The following PDE6A variants were observed in gnomAD, a reference collection of about 807,000 sequenced individuals.
The protein encoded by PDE6A is rod cGMP-specific 3',5'-cyclic phosphodiesterase subunit alpha.
In PDE6A, 84 loss-of-function variants were observed where a neutral mutation model predicts 106.3. The ratio of observed to expected loss-of-function variants is 0.79; its 90% CI spans 0.66 to 0.95. The LOEUF (loss-of-function observed/expected upper bound fraction) is 0.95. PDE6A is among the 40% of genes least tolerant of loss of function. The probability of loss-of-function intolerance (pLI) is 0.00; values close to 1 mark genes in which losing one functional copy is unlikely to be tolerated. For synonymous variants in PDE6A, 394 were observed against 386.6 expected (o/e 1.02, Z -0.23); for missense variants, 1,052 against 1,084.9 (o/e 0.97, Z 0.43).
Position 149,884,581 on chromosome 5 carries a change from T to C in PDE6A, c.1927-2A>G. On this transcript the variant is annotated splice_acceptor_variant, in intron 15 of 21. Coordinates refer to ENST00000255266, the MANE Select transcript of PDE6A (RefSeq NM_000440.3). LOFTEE classifies it high-confidence loss of function. ...GAGGTTTTGAAAGATATTCAGGCTC[T>C]AAAGAAAAAAAGAGAAGCGAGATGG... 1 of 1,611,812 alleles carries C rather than the reference T, an allele frequency of 6.2e-7. No individual in the cohort carries two copies. Among genetic ancestry groups the C allele is most frequent in the Non-Finnish European group, 8.5e-7 (1 of 1,178,094 alleles).
intron 19 of PDE6A, chr5:149,867,313 C>T (rs947631373): frequency 4.4e-5 from 13 of 296,734 alleles, no homozygotes; most frequent in Non-Finnish European, 7.8e-5. Context: ...AACTTGCTCA[C>T]TCTGTGCTGT....
rs55680278 is a variant in PDE6A at position 149,900,375 on chromosome 5, G to GTATATATATATATATATATATATA, written c.1114-852_1114-851insTATATATATATATATATATATATA. ...AGACTCCATCTCGAAAAATATATAT[G>GTATATATATATATATATATATATA]TATATATATATATATATATATATCC... is the stretch of plus-strand genomic sequence containing the variant. On this transcript the variant is annotated intron_variant, in intron 8 of 21. Transcript: ENST00000255266. 6.2e-3 allele frequency among the ~76,000 whole-genome samples: 514 copies of GTATATATATATATATATATATATA among 82,520 alleles called. 37 individuals are homozygous for GTATATATATATATATATATATATA. The highest frequency in any genetic ancestry group is 0.011 in the South Asian group (17 of 1,488). The allele number at this position is 82,520 out of a possible 152,430, so 54.1% of individuals were successfully genotyped here.
chr5:149,887,760 C>A (rs767496619), intron 13 of PDE6A, among the ~76,000 whole-genome samples: 1 of 152,130 alleles, frequency 6.6e-6, no homozygotes, highest in Non-Finnish European at 1.5e-5. Context: ...GGCATCCCAC[C>A]GAGACAAAAG....
chr5:149,918,581 C>G (rs1213857079), intron 5 of PDE6A, among the ~76,000 whole-genome samples: 1 of 151,946 alleles, frequency 6.6e-6, no homozygotes, highest in Non-Finnish European at 1.5e-5. Flanking sequence ...AACCAATTTT[C>G]TTTTTTTATA....
chr5:149,934,643 T>C lies in PDE6A; in HGVS notation c.550A>G (p.Asn184Asp). 6.2e-7 allele frequency: 1 copy of C among 1,613,468 alleles called. No homozygotes were observed. The highest frequency in any genetic ancestry group is 1.7e-5 in the Admixed American group (1 of 60,028). ...ATTATGGCCACCACATCCTTCCCAT[T>C]CATTATGGGGGAAGCCAAGATGTTC... ...TKNILASPIM[N>D]GKDVVAIIMA... is the part of the protein sequence containing the mutation. The change falls in exon 2 of 22, where the codon AAT (asparagine) becomes GAT (aspartate). Residue 184 changes from asparagine to aspartate, a missense_variant. Physicochemically the swap from Asn to Asp is conservative, Grantham distance 23 (BLOSUM62 1). This residue lies in a region of PDE6A where 913 missense variants were observed against 915.2 expected (regional missense o/e 1.00). Transcript: ENST00000255266.
Position 149,896,398 on chromosome 5 carries a change from A to T in PDE6A, c.1578T>A (p.Tyr526Ter), listed in dbSNP as rs747005399. The change falls in exon 12 of 22, where the codon TAT (tyrosine) becomes TAA (stop). Residue 526 changes from tyrosine to a stop codon, truncating the protein, a stop_gained. Coordinates refer to ENST00000255266, the MANE Select transcript of PDE6A (RefSeq NM_000440.3). LOFTEE classifies it high-confidence loss of function. Reference protein sequence around the residue: ...LELVKCGIQMYYELKVVDKFH... With the variant: ...LELVKCGIQM Reference sequence around the variant, plus strand: ...ATTTATCCACCACTTTGAGCTCATAATACATCTGTATTCCACATTTTACCA... The same window carrying T: ...ATTTATCCACCACTTTGAGCTCATATTACATCTGTATTCCACATTTTACCA... The T allele has an allele frequency of 6.2e-7, 1 of 1,614,144 alleles. No individual in the cohort carries two copies. Among genetic ancestry groups the T allele is most frequent in the East Asian group, 2.2e-5 (1 of 44,890 alleles).
chr5:149,926,993 A>C (rs1307956326), intron 4 of PDE6A, among the ~76,000 whole-genome samples: 1 of 151,846 alleles, frequency 6.6e-6, no homozygotes, highest in Non-Finnish European at 1.5e-5. Context: ...AAAAAAAAAA[A>C]AAAAAGAGAG....
chr5:149,860,986 G>A lies in PDE6A; in HGVS notation c.2507-15C>T, dbSNP rs779075342. ...TCCTGCGGCTGCTGCAATGAAACAG[G>A]AAAAAGAACACACCAGGTGACAAGA... is the stretch of plus-strand genomic sequence containing the variant. On this transcript the variant is annotated splice_polypyrimidine_tract_variant and intron_variant, in intron 21 of 21. Transcript: ENST00000255266. 6 of 1,612,694 alleles carry A rather than the reference G, an allele frequency of 3.7e-6. No individual in the cohort carries two copies. Among genetic ancestry groups the A allele is most frequent in the Non-Finnish European group, 2.5e-6 (3 of 1,179,160 alleles).
chr5:149,910,242 T>G (rs1485799341), intron 6 of PDE6A, among the ~76,000 whole-genome samples: 1 of 152,186 alleles, frequency 6.6e-6, no homozygotes, highest in Non-Finnish European at 1.5e-5. Context: ...TTCTTTTGAT[T>G]AGCATTTGCA....
In PDE6A at chr5:149,863,368, T is replaced by TAC; in HGVS notation, c.2359-103_2359-102insGT. 1 of 1,230,240 alleles carries TAC rather than the reference T, an allele frequency of 8.1e-7. No homozygotes were observed. The highest frequency in any genetic ancestry group is 1.2e-6 in the Non-Finnish European group (1 of 850,118). 76.2% of individuals were successfully genotyped at this position (1,230,240 alleles called of 1,614,324 possible). A position where few individuals can be genotyped will look rare whatever the true frequency, so the allele number is the denominator to read the frequency against. On this transcript the variant is annotated intron_variant, in intron 20 of 21. Transcript: ENST00000255266. The surrounding 1 kb of genome is among the most constrained non-coding windows in gnomAD (Gnocchi z 4.7). ...AACGTCCAACACTGGAATGAGCTGCTTCGGAGTAGCAGGCCTCCCGCCACC... is the reference window on the plus strand; with the variant it reads ...AACGTCCAACACTGGAATGAGCTGCTACTCGGAGTAGCAGGCCTCCCGCCACC...
chr5:149,896,849 C>A, intron 10 of PDE6A, 73 bp from the exon 11 acceptor site: 1 of 1,514,124 alleles, frequency 6.6e-7, no homozygotes, highest in Non-Finnish European at 9.1e-7. Context: ...TCCCATTTAT[C>A]TCCTTCCTCC....
chr5:149,867,672 T>A, intron 19 of PDE6A, 53 bp downstream of exon 19: 1 of 1,486,184 alleles, frequency 6.7e-7, no homozygotes, highest in Non-Finnish European at 9.4e-7. Context: ...CATATCTAGG[T>A]CAGGATGGAG....
intron 13 of PDE6A, among the ~76,000 whole-genome samples, chr5:149,890,458 T>C (rs535241158): frequency 7.2e-5 from 11 of 152,332 alleles, no homozygotes; most frequent in African/African-American, 2.6e-4. Flanking sequence ...AGTTGTATTC[T>C]AAAGATGTGT....
At chr5:149,873,463 C>T (rs912825781) in intron 17 of PDE6A, among the ~76,000 whole-genome samples, 1 of 151,910 alleles carries the variant, frequency 6.6e-6, no homozygotes, top group Non-Finnish European at 1.5e-5. Flanking sequence ...TCCTGAGTAG[C>T]TGAGATTACA....
In PDE6A at chr5:149,944,364, C is replaced by G. The variant is rs1030770784; in HGVS notation, c.310G>C (p.Gly104Arg). Reference sequence around the variant, plus strand: ...AGCCTGGTGGCCAGCTCTGCGATGCCATTGCGGGTCCGGTACATGAACAGG... The same window carrying G: ...AGCCTGGTGGCCAGCTCTGCGATGCGATTGCGGGTCCGGTACATGAACAGG... ...MSLFMYRTRNGIAELATRLFN... is the reference protein window; with the variant it reads ...MSLFMYRTRNRIAELATRLFN... The change falls in exon 1 of 22, where the codon GGC becomes CGC. Residue 104 changes from glycine to arginine, a missense_variant. By Grantham distance (125) the Gly-to-Arg change is moderately radical (BLOSUM62 -2). This residue lies in a region of PDE6A where 913 missense variants were observed against 915.2 expected (regional missense o/e 1.00). Coordinates refer to ENST00000255266, the MANE Select transcript of PDE6A (RefSeq NM_000440.3). 1.1e-5 allele frequency: 18 copies of G among 1,614,006 alleles called. No homozygotes were observed. Among genetic ancestry groups the G allele is most frequent in the Non-Finnish European group, 1.5e-5 (18 of 1,180,010 alleles).
At chr5:149,913,389 A>G (rs1304093044) in intron 6 of PDE6A, among the ~76,000 whole-genome samples, 5 of 152,166 alleles carry the variant, frequency 3.3e-5, no homozygotes, top group East Asian at 3.9e-4. Flanking sequence ...CTTAAAAAAA[A>G]AAAAAAAAAG....
chr5:149,909,030 C>T (rs1753288983), intron 6 of PDE6A, among the ~76,000 whole-genome samples: 1 of 151,964 alleles, frequency 6.6e-6, no homozygotes, highest in Non-Finnish European at 1.5e-5. Context: ...TTTTTTTCCT[C>T]TTATTCTTTT....
In PDE6A at chr5:149,899,360, C is replaced by G. The variant is rs762978984; in HGVS notation, c.1263+15G>C. ...TCTGAATCCCAACAGCAAAAGGCCT[C>G]CTAGCAAGCCATACCTCCATGAGCG... On this transcript the variant is annotated intron_variant, in intron 9 of 21. Transcript: ENST00000255266. 5.6e-6 allele frequency: 9 copies of G among 1,613,692 alleles called. No individual in the cohort carries two copies. Among genetic ancestry groups the G allele is most frequent in the Non-Finnish European group, 7.6e-6 (9 of 1,179,856 alleles).
At position 149,944,741 on chromosome 5, in the gene PDE6A, G is replaced by T; in HGVS notation, c.-68C>A. 1 of 1,303,816 alleles carries T rather than the reference G, an allele frequency of 7.7e-7. No homozygotes were observed. The highest frequency in any genetic ancestry group is 1.1e-6 in the Non-Finnish European group (1 of 929,012). The allele number at this position is 1,303,816 out of a possible 1,614,324, so 80.8% of individuals were successfully genotyped here. On this transcript the variant is annotated 5_prime_UTR_variant, in exon 1 of 22. It adds an upstream start codon to the 5' untranslated region. Coordinates refer to ENST00000255266, the MANE Select transcript of PDE6A (RefSeq NM_000440.3). ...GAGGCCTTCCAATGGCAGTTTTGCAGTCTGCAACAAGTCCAGTCTGGACTT... is the reference window on the plus strand; with the variant it reads ...GAGGCCTTCCAATGGCAGTTTTGCATTCTGCAACAAGTCCAGTCTGGACTT...
Sources: gnomAD v4.1 joint callset for allele counts (sites outside exome capture counted in the v4.1 genomes callset) on GRCh38, gnomAD v4.1.1 for gene constraint, gnomAD v4.1.1 regional missense constraint, Gnocchi (gnomAD v3.1) non-coding constraint, MANE v1.5 for transcripts, NCBI Gene and HGNC (gene_info 2026-07-23, HGNC 2026-07-21) for gene names.